The following TBC1D1 variants were observed in gnomAD, a reference collection of about 807,000 sequenced individuals.
The protein encoded by TBC1D1 is TBC1 domain family member 1.
A neutral mutation model predicts 125.6 loss-of-function variants in TBC1D1; 89 were observed. That is an observed-to-expected ratio of 0.71 (90% CI 0.60 to 0.85). The LOEUF is 0.85. Ranked by LOEUF, TBC1D1 falls within the 40% of genes least tolerant of loss-of-function variation. TBC1D1 has a pLI of 0.00. For missense variants in TBC1D1, 1,377 were observed against 1,469.2 expected (o/e 0.94, Z 1.03); for synonymous variants, 565 against 564.1 (o/e 1.00, Z -0.02).
chr4:38,131,952 C>T (rs1158749123), intron 18 of TBC1D1, among the ~76,000 whole-genome samples: 1 of 152,122 alleles, frequency 6.6e-6, no homozygotes, highest in African/African-American at 2.4e-5. Context: ...AAATTCATCT[C>T]AAGGAAGAGA....
intron 2 of TBC1D1, among the ~76,000 whole-genome samples, chr4:37,922,119 C>A (rs1721135362): frequency 6.6e-6 from 1 of 152,154 alleles, no homozygotes; most frequent in Non-Finnish European, 1.5e-5. Flanking sequence ...TGTCTGCTGA[C>A]ATTAAAAATA....
At chr4:38,129,669 G>A (rs950703194) in intron 18 of TBC1D1, among the ~76,000 whole-genome samples, 1 of 152,136 alleles carries the variant, frequency 6.6e-6, no homozygotes, top group Non-Finnish European at 1.5e-5. Context: ...AGTGTCCATG[G>A]ACTGTGAAGA....
chr4:38,014,560 G>T lies in TBC1D1; in HGVS notation c.469G>T (p.Glu157Ter). The T allele has an allele frequency of 6.2e-7, 1 of 1,613,336 alleles. No individual in the cohort carries two copies. Among genetic ancestry groups the T allele is most frequent in the Non-Finnish European group, 8.5e-7 (1 of 1,180,008 alleles). The change falls in exon 3 of 20, where the codon GAG becomes TAG. Residue 157 changes from glutamate (E) to a stop codon, truncating the protein, a stop_gained. Coordinates refer to ENST00000261439, the MANE Select transcript of TBC1D1 (RefSeq NM_015173.4). LOFTEE classifies it high-confidence loss of function. This position sits in a 1 kb window ranked among gnomAD's most constrained non-coding sequence, Gnocchi z 5.1. ...TCAGGCGGGGAAGATCGCCCGGCAG[G>T]AGGAGCTGCACTGCCCGTCCGAGTT...
At position 37,960,940 on chromosome 4, in the gene TBC1D1, T is replaced by G. The variant is rs371413843; in HGVS notation, c.418-53569T>G. 1.2e-4 allele frequency: 200 copies of G among 1,614,174 alleles called. No individual in the cohort carries two copies. Among genetic ancestry groups the G allele is most frequent in the Non-Finnish European group, 1.7e-4 (197 of 1,180,034 alleles). On this transcript the variant is annotated intron_variant, in intron 2 of 19. Coordinates refer to ENST00000261439, the MANE Select transcript of TBC1D1 (RefSeq NM_015173.4). ...CTGGGCCCCCCTTCACCTGTGAAAATGCCCTCTCCACCATGGGAATGCAAT... is the reference window on the plus strand; with the variant it reads ...CTGGGCCCCCCTTCACCTGTGAAAAGGCCCTCTCCACCATGGGAATGCAAT...
At chr4:38,010,472 T>C (rs771723141) in intron 2 of TBC1D1, among the ~76,000 whole-genome samples, 2 of 152,188 alleles carry the variant, frequency 1.3e-5, no homozygotes. Flanking sequence ...CAGCTTAGAC[T>C]CCCTGTCTTG....
intron 2 of TBC1D1, among the ~76,000 whole-genome samples, chr4:38,013,011 T>G (rs1029784049): frequency 1.3e-4 from 20 of 152,274 alleles, no homozygotes; most frequent in Non-Finnish European, 5.9e-5. Context: ...GCCAGGCTGG[T>G]CTCAACCTCC....
chr4:38,008,268 T>C (rs980722030), intron 2 of TBC1D1, among the ~76,000 whole-genome samples: 1 of 152,250 alleles, frequency 6.6e-6, no homozygotes, highest in East Asian at 1.9e-4. Context: ...ATCTTCCTTT[T>C]TCTTTCTCAC....
At chr4:38,073,685 T>C (rs17425817) in intron 12 of TBC1D1, among the ~76,000 whole-genome samples, 8,421 of 152,204 alleles carry the variant, frequency 0.055, 326 homozygotes, top group Non-Finnish European at 0.08. Context: ...TGTGCCTTGG[T>C]TTCTTCGGTG....
At chr4:37,999,593 G>T (rs890205730) in intron 2 of TBC1D1, among the ~76,000 whole-genome samples, 30 of 152,202 alleles carry the variant, frequency 2.0e-4, no homozygotes, top group African/African-American at 7.2e-4. Flanking sequence ...CTCAGGACCT[G>T]GGAGAGCAGG....
intron 13 of TBC1D1, among the ~76,000 whole-genome samples, chr4:38,090,894 A>G (rs1249545163): frequency 6.6e-6 from 1 of 152,230 alleles, no homozygotes; most frequent in Non-Finnish European, 1.5e-5. Flanking sequence ...ATTACAGTAC[A>G]TTTCATTCAG....
chr4:38,030,818 T>C (rs962878583), intron 7 of TBC1D1, among the ~76,000 whole-genome samples: 1 of 152,224 alleles, frequency 6.6e-6, no homozygotes. Flanking sequence ...AAATTAATGG[T>C]ACGTGATTAC....
In TBC1D1 at chr4:37,911,350, A is replaced by G. The variant is rs553700621; in HGVS notation, c.417+8838A>G. ...CCTCCCTTTGGAGGCTCAGGCATCC[A>G]CCCTACTCATTGTGGTCTGTCAGCT... is the stretch of plus-strand genomic sequence containing the variant. On this transcript the variant is annotated intron_variant, in intron 2 of 19. Transcript: ENST00000261439. Among the ~76,000 whole-genome samples, 24 of 152,104 alleles carry G rather than the reference A, an allele frequency of 1.6e-4. No individual in the cohort carries two copies. In the South Asian group the frequency reaches 3.3e-3, roughly 21 times the overall value.
chr4:38,117,027 C>A (rs1763096254), intron 16 of TBC1D1, among the ~76,000 whole-genome samples: 1 of 152,224 alleles, frequency 6.6e-6, no homozygotes. Context: ...GTTCTTCCTA[C>A]ATTCCCTTTA....
intron 12 of TBC1D1, among the ~76,000 whole-genome samples, chr4:38,071,827 T>C (rs62300018): frequency 0.059 from 9,004 of 152,300 alleles, 289 homozygotes; most frequent in East Asian, 0.12. Flanking sequence ...GAGCCTTTTA[T>C]GTTAGAAAAG....
In TBC1D1 at chr4:38,039,350, C is replaced by T. The variant is rs1747903467; in HGVS notation, c.1413+3652C>T. Among the ~76,000 whole-genome samples, 4 of 152,064 alleles carry T rather than the reference C, an allele frequency of 2.6e-5. No individual in the cohort carries two copies. In the South Asian group the frequency reaches 8.3e-4, roughly 32 times the overall value. On this transcript the variant is annotated intron_variant, in intron 8 of 19. Coordinates refer to ENST00000261439, the MANE Select transcript of TBC1D1 (RefSeq NM_015173.4). The stretch of plus-strand genomic sequence containing the variant: ...GCCGTGATGGTCTCGATCTCCTGAC[C>T]TTGTGATCTGCCCACCTCGGCCTTC...
chr4:38,054,324 C>G lies in TBC1D1; in HGVS notation c.2036C>G (p.Ser679Cys). 1 of 1,614,114 alleles carries G rather than the reference C, an allele frequency of 6.2e-7. No individual in the cohort carries two copies. ...ACCCCGCAGAAGGCGTGCGATTCTT[C>G]CAGCAGATATGAAGGTAAGGCCGGT... Residue 679 changes from serine to cysteine, a missense_variant, in exon 12 of 20, where the codon TCC becomes TGC. Ser to Cys is a moderately radical substitution (Grantham distance 112). Transcript: ENST00000261439.
intron 15 of TBC1D1, among the ~76,000 whole-genome samples, chr4:38,104,051 G>T (rs7662673): frequency 0.75 from 112,890 of 151,262 alleles, 42,537 homozygotes; most frequent in African/African-American, 0.85. Flanking sequence ...TCCCAGCTAC[G>T]CAGGAGGCCG....
intron 17 of TBC1D1, among the ~76,000 whole-genome samples, chr4:38,121,208 G>A (rs1417654967): frequency 1.3e-5 from 2 of 152,174 alleles, no homozygotes; most frequent in African/African-American, 2.4e-5. Flanking sequence ...GCGGAGCCAC[G>A]ACTGGAGGAC....
intron 2 of TBC1D1, among the ~76,000 whole-genome samples, chr4:37,912,846 A>C (rs1718908069): frequency 6.6e-6 from 1 of 152,212 alleles, no homozygotes; most frequent in South Asian, 2.1e-4. Flanking sequence ...GTGAGAAATA[A>C]ATTTCTGTGC....
Sources: allele counts gnomAD v4.1 joint callset (sites outside exome capture counted in the v4.1 genomes callset), GRCh38; gene constraint gnomAD v4.1.1; non-coding constraint Gnocchi (gnomAD v3.1); transcripts MANE v1.5; gene names NCBI Gene and HGNC (gene_info 2026-07-23, HGNC 2026-07-21).